Variants in ATP2A2 observed in about 807,000 individuals in gnomAD.
ATP2A2 encodes the protein ATPase sarcoplasmic/endoplasmic reticulum Ca2+ transporting 2.
A neutral mutation model predicts 109.3 loss-of-function variants in ATP2A2; 14 were observed. The observed-to-expected ratio is 0.13, with a 90% CI of 0.08 to 0.20. The LOEUF (loss-of-function observed/expected upper bound fraction) is 0.20, where lower values mean the gene tolerates loss of function less well. ATP2A2 is among the 10% of genes least tolerant of loss of function. The pLI, the probability that ATP2A2 is intolerant of heterozygous loss-of-function variation, is 1.00. For synonymous variants in ATP2A2, 506 were observed against 490.9 expected, an observed-to-expected ratio of 1.03 and a Z score of -0.41; for missense variants, 657 against 1,321.6, an observed-to-expected ratio of 0.50 and a Z score of 7.80.
chr12:110,304,369 CT>C (rs2137745045), intron 5 of ATP2A2, among the ~76,000 whole-genome samples: 1 of 152,272 alleles, frequency 6.6e-6, no homozygotes, highest in South Asian at 2.1e-4. Context: ...ACCAAACTGT[CT>C]TTCAGAATGG....
At position 110,348,980 on chromosome 12, in the gene ATP2A2, C is replaced by CA. The variant is rs147754541; in HGVS notation, c.*2517dup. The CA allele has an allele frequency of 1.0e-6, 1 of 985,400 alleles. No homozygotes were observed. The highest frequency in any genetic ancestry group is 1.2e-6 in the Non-Finnish European group (1 of 829,938). 61.0% of individuals were successfully genotyped at this position (985,400 alleles called of 1,614,324 possible). Reference sequence around the variant, plus strand: ...CAGTTCCTTGACTTAGTGGCCTTTACAAAAAAAGTTGAGTAGTGTGTGGCC... The same window carrying CA: ...CAGTTCCTTGACTTAGTGGCCTTTACAAAAAAAAGTTGAGTAGTGTGTGGCC... On this transcript the variant is annotated 3_prime_UTR_variant, in exon 20 of 20. Transcript: ENST00000539276.
At chr12:110,303,854 C>T (rs1348826387) in intron 5 of ATP2A2, among the ~76,000 whole-genome samples, 2 of 152,230 alleles carry the variant, frequency 1.3e-5, no homozygotes, top group Non-Finnish European at 1.5e-5. Context: ...AGCCACTGCA[C>T]CTGGCCTTCA....
At chr12:110,308,357 C>T (rs1487729507) in intron 5 of ATP2A2, among the ~76,000 whole-genome samples, 3 of 151,962 alleles carry the variant, frequency 2.0e-5, no homozygotes, top group South Asian at 4.1e-4. Context: ...GTCTCATAGG[C>T]GGGTGCCCTT....
rs145446976 is a variant in ATP2A2, at chr12:110,350,294, A to G, written c.*3824A>G. On this transcript the variant is annotated 3_prime_UTR_variant, in exon 20 of 20. Coordinates refer to ENST00000539276, the MANE Select transcript of ATP2A2 (RefSeq NM_170665.4). ...TTTCCTCTCTCTTTCCTTTTCAGCA[A>G]TACTGGAGTAACCGCTTCCTAAACC... 24 of 1,614,098 alleles carry G rather than the reference A, an allele frequency of 1.5e-5. No individual in the cohort carries two copies. The highest frequency in any genetic ancestry group is 6.6e-5 in the South Asian group (6 of 91,092).
At chr12:110,318,219 T>C (rs1185319785) in intron 5 of ATP2A2, among the ~76,000 whole-genome samples, 2 of 152,204 alleles carry the variant, frequency 1.3e-5, no homozygotes, top group Non-Finnish European at 2.9e-5. Context: ...AAGTATTCGG[T>C]GGACCTTTAC....
At position 110,340,211 on chromosome 12, in the gene ATP2A2, C is replaced by T. The variant is rs1031196098; in HGVS notation, c.1762-448C>T. On this transcript the variant is annotated intron_variant, in intron 13 of 19. Transcript: ENST00000539276. This position sits in a 1 kb window ranked among gnomAD's most constrained non-coding sequence, Gnocchi z 6.0. The stretch of plus-strand genomic sequence containing the variant: ...CAAGAGTTAAAGAATGGTTTGATAA[C>T]GGGTGTAGTGGTATTTTTTTTTCTC... Among the ~76,000 whole-genome samples, 4 of 151,994 alleles carry T rather than the reference C, an allele frequency of 2.6e-5. No individual in the cohort carries two copies. Among genetic ancestry groups the T allele is most frequent in the Admixed American group, 6.6e-5 (1 of 15,246 alleles).
chr12:110,308,372 AT>A (rs1875610737), intron 5 of ATP2A2, among the ~76,000 whole-genome samples: 1 of 152,090 alleles, frequency 6.6e-6, no homozygotes, highest in Admixed American at 6.6e-5. Flanking sequence ...GCCCTTTATC[AT>A]GTTGAGGAAG....
At position 110,346,185 on chromosome 12, in the gene ATP2A2, C is replaced by T. The variant is rs1566243360; in HGVS notation, c.2860-16C>T. ...AGGGGAGGCTGGAGGCGTGACACGT[C>T]TTCCCTGTGTGTCAGCTCATCTTCC... On this transcript the variant is annotated splice_polypyrimidine_tract_variant and intron_variant, in intron 19 of 19. Transcript: ENST00000539276. 2 of 1,614,042 alleles carry T rather than the reference C, an allele frequency of 1.2e-6. No homozygotes were observed. The highest frequency in any genetic ancestry group is 1.7e-5 in the Admixed American group (1 of 60,028).
At chr12:110,331,891 T>A (rs1015609183) in intron 8 of ATP2A2, 1 of 152,228 alleles carries the variant, frequency 6.6e-6, no homozygotes, top group African/African-American at 2.4e-5. Flanking sequence ...GTGGAAAAAT[T>A]ATCTTTAAGA....
At chr12:110,300,116 TCCCTC>T (rs373588693) in intron 5 of ATP2A2, among the ~76,000 whole-genome samples, 6,942 of 103,192 alleles carry the variant, frequency 0.067, 239 homozygotes, top group African/African-American at 0.11. Flanking sequence ...CCTCCCCCTT[TCCCTC>T]CCCTCCCCTC....
At chr12:110,296,929 A>G (rs1444385484) in intron 5 of ATP2A2, among the ~76,000 whole-genome samples, 192 bp downstream of exon 5, 1 of 152,170 alleles carries the variant, frequency 6.6e-6, no homozygotes, top group East Asian at 1.9e-4. Context: ...CCTGTCATTG[A>G]TAAGGCTTTT....
intron 8 of ATP2A2, chr12:110,331,833 T>C (rs1480660626): frequency 6.6e-6 from 1 of 152,246 alleles, no homozygotes; most frequent in Non-Finnish European, 1.5e-5. Context: ...AAATCTTACT[T>C]TTCCAAACTG....
intron 5 of ATP2A2, among the ~76,000 whole-genome samples, chr12:110,303,612 G>A (rs967715345): frequency 6.6e-5 from 10 of 151,922 alleles, no homozygotes; most frequent in Non-Finnish European, 1.0e-4. Flanking sequence ...GGGTTTCACC[G>A]TGTTGGCCAG....
intron 5 of ATP2A2, among the ~76,000 whole-genome samples, chr12:110,310,206 C>T (rs912365304): frequency 3.3e-5 from 5 of 151,084 alleles, no homozygotes; most frequent in Non-Finnish European, 4.4e-5. Context: ...AGGCTGGTCT[C>T]GAACTCCTGA....
In ATP2A2 at chr12:110,349,716, G is replaced by A. The variant is rs1196482888; in HGVS notation, c.*3246G>A. ...AGGGCCAGAGCATACCACGTCTGCA[G>A]TGCCTGTGAGCAGAGCCAGCAGTTG... is the stretch of plus-strand genomic sequence containing the variant. On this transcript the variant is annotated 3_prime_UTR_variant, in exon 20 of 20. Coordinates refer to ENST00000539276, the MANE Select transcript of ATP2A2 (RefSeq NM_170665.4). The A allele has an allele frequency of 9.9e-7, 1 of 1,006,844 alleles. No homozygotes were observed. Among genetic ancestry groups the A allele is most frequent in the Non-Finnish European group, 1.2e-6 (1 of 841,520 alleles). The allele number at this position is 1,006,844 out of a possible 1,614,324, so 62.4% of individuals were successfully genotyped here. A position where few individuals can be genotyped will look rare whatever the true frequency, so the allele number is the denominator to read the frequency against.
chr12:110,300,178 C>T (rs2137731466), intron 5 of ATP2A2, among the ~76,000 whole-genome samples: 1 of 101,708 alleles, frequency 9.8e-6, no homozygotes, highest in South Asian at 3.4e-4. Flanking sequence ...TTCTTTCTCG[C>T]TCTCTCTTTT....
At chr12:110,288,192 C>T (rs1052887229) in intron 3 of ATP2A2, among the ~76,000 whole-genome samples, 7 of 140,092 alleles carry the variant, frequency 5.0e-5, no homozygotes, top group African/African-American at 1.7e-4. Context: ...CTCATTATAA[C>T]CTCAAACTCC....
chr12:110,341,754 T>C (rs764111593), intron 14 of ATP2A2, among the ~76,000 whole-genome samples: 1 of 152,032 alleles, frequency 6.6e-6, no homozygotes, highest in Non-Finnish European at 1.5e-5. Flanking sequence ...GCGCCTGTAA[T>C]CCCAGCTACT....
At position 110,282,460 on chromosome 12, in the gene ATP2A2, T is replaced by C. The variant is rs993473245; in HGVS notation, c.119-144T>C. The stretch of plus-strand genomic sequence containing the variant: ...CTCTGCTAAAAAAATCGGATATTCT[T>C]ATAGCTAGGTCTGTGTTTTAAAGAT... On this transcript the variant is annotated intron_variant, in intron 1 of 19. Transcript: ENST00000539276. The C allele has an allele frequency of 2.4e-5, 28 of 1,147,044 alleles. 1 individual carries two copies. In the Admixed American group the frequency reaches 3.2e-4, roughly 13 times the overall value. 71.1% of individuals were successfully genotyped at this position (1,147,044 alleles called of 1,614,324 possible). A position where few individuals can be genotyped will look rare whatever the true frequency, so the allele number is the denominator to read the frequency against.
Sources: gnomAD v4.1 joint callset for allele counts (sites outside exome capture counted in the v4.1 genomes callset) on GRCh38, gnomAD v4.1.1 for gene constraint, Gnocchi (gnomAD v3.1) non-coding constraint, MANE v1.5 for transcripts, NCBI Gene and HGNC (gene_info 2026-07-23, HGNC 2026-07-21) for gene names.